Variants in PXDN observed in about 807,000 individuals in gnomAD.
PXDN encodes peroxidasin.
PXDN carries 77 observed loss-of-function variants against 140.3 expected under a neutral mutation model. The observed-to-expected ratio is 0.55, with a 90% CI of 0.46 to 0.66. The LOEUF (loss-of-function observed/expected upper bound fraction) is 0.66. PXDN is among the 30% of genes least tolerant of loss of function. The pLI is 0.00. For synonymous variants in PXDN, 911 were observed against 857.4 expected, an observed-to-expected ratio of 1.06 and a Z score of -1.09; for missense variants, 1,838 against 2,039.5, an observed-to-expected ratio of 0.90 and a Z score of 1.90.
chr2:1,663,540 AATT>A, intron 12 of PXDN, 62 bp downstream of exon 12: 1 of 1,579,654 alleles, frequency 6.3e-7, no homozygotes, highest in Non-Finnish European at 8.6e-7. Flanking sequence ...TCAGCTGCGG[AATT>A]CTGTGTTTCC....
intron 3 of PXDN, among the ~76,000 whole-genome samples, chr2:1,690,648 CA>C (rs35970382): frequency 0.08 from 5,529 of 68,690 alleles, 119 homozygotes; most frequent in East Asian, 0.28. Flanking sequence ...TTCAAAATAC[CA>C]AAAAAAAAAA....
rs745727040 is a variant in PXDN at position 1,677,028 on chromosome 2, G to A, written c.747C>T (p.Thr249=). ...TCACATCTGCGTCCTGGGGCTCGGAGGTGATCCGGGGCCTTTCTGTGCCCA... is the reference window on the plus strand; with the variant it reads ...TCACATCTGCGTCCTGGGGCTCGGAAGTGATCCGGGGCCTTTCTGTGCCCA... ...EELNCERPRI[T]SEPQDADVTS... The change falls in exon 8 of 23, where the codon ACC becomes ACT. Residue 249 remains threonine (T), a synonymous_variant. Transcript: ENST00000252804. 5 of 1,605,932 alleles carry A rather than the reference G, an allele frequency of 3.1e-6. 1 individual carries two copies. Among genetic ancestry groups the A allele is most frequent in the South Asian group, 2.2e-5 (2 of 89,828 alleles).
intron 1 of PXDN, among the ~76,000 whole-genome samples, chr2:1,717,306 G>A (rs527854504): frequency 3.9e-5 from 6 of 152,154 alleles, no homozygotes; most frequent in Non-Finnish European, 7.4e-5. Context: ...CAGAGATTCC[G>A]CTGCTGTCTG....
chr2:1,741,915 G>A (rs976910454), intron 1 of PXDN, among the ~76,000 whole-genome samples: 1 of 152,036 alleles, frequency 6.6e-6, no homozygotes, highest in African/African-American at 2.4e-5. Context: ...ACCAGACCAT[G>A]CCCCCAGAGA....
At chr2:1,664,772 C>T in intron 11 of PXDN, 186 bp downstream of exon 11, 1 of 574,978 alleles carries the variant, frequency 1.7e-6, no homozygotes. Flanking sequence ...GACGGCCATG[C>T]ATGGACAGGA....
chr2:1,685,114 A>G lies in PXDN; in HGVS notation c.417-963T>C, dbSNP rs1684018688. ...ATCACCGTCACCACCAGGGCACCAG[A>G]GTGCGGCTGCCAGGGCCCGCCCCGT... is the stretch of plus-strand genomic sequence containing the variant. On this transcript the variant is annotated intron_variant, in intron 4 of 22. Transcript: ENST00000252804. This position sits in a 1 kb window ranked among gnomAD's most constrained non-coding sequence, Gnocchi z 5.1. Among the ~76,000 whole-genome samples the G allele has an allele frequency of 6.6e-6, 1 of 152,322 alleles. No individual in the cohort carries two copies. Among genetic ancestry groups the G allele is most frequent in the South Asian group, 2.1e-4 (1 of 4,826 alleles).
intron 21 of PXDN, chr2:1,635,842 G>C (rs1334744174): frequency 2.7e-6 from 1 of 376,040 alleles, no homozygotes; most frequent in Non-Finnish European, 5.1e-6. Context: ...CCACCAGAAC[G>C]AACGATGATC....
In PXDN at chr2:1,643,473, G is replaced by C. The variant is rs371819783; in HGVS notation, c.3847C>G (p.Arg1283Gly). The C allele has an allele frequency of 4.0e-5, 65 of 1,613,800 alleles. No homozygotes were observed. Among genetic ancestry groups the C allele is most frequent in the Non-Finnish European group, 5.3e-5 (63 of 1,179,910 alleles). ...ACCCTGAACACGTCGCTCTGCACCC[G>C]GGTGATGTTGTCCGCGTTGTCGCAT... ...ILCDNADNIT[R>G]VQSDVFRVAE... is the part of the protein sequence containing the mutation. The change falls in exon 19 of 23, where the codon CGG becomes GGG. Residue 1283 changes from arginine (R) to glycine (G), a missense_variant. Physicochemically the swap from Arg to Gly is moderately radical, Grantham distance 125. Transcript: ENST00000252804.
intron 4 of PXDN, among the ~76,000 whole-genome samples, chr2:1,686,542 C>A (rs1390892399): frequency 1.3e-5 from 2 of 152,134 alleles, no homozygotes; most frequent in African/African-American, 2.4e-5. Context: ...ATTTGCTCGC[C>A]CCCACTGAGT....
chr2:1,728,196 C>T (rs1685234290), intron 1 of PXDN, among the ~76,000 whole-genome samples: 1 of 152,210 alleles, frequency 6.6e-6, no homozygotes, highest in African/African-American at 2.4e-5. Context: ...CCTCAGCCTC[C>T]CAAAGTGCTG....
intron 11 of PXDN, chr2:1,664,064 C>T: frequency 2.9e-6 from 1 of 340,842 alleles, no homozygotes; most frequent in Non-Finnish European, 5.4e-6. Context: ...GGATGGCCAG[C>T]TGGGAGAACC....
At chr2:1,744,112 C>T in intron 1 of PXDN, 144 bp downstream of exon 1, 1 of 906,486 alleles carries the variant, frequency 1.1e-6, no homozygotes, top group Non-Finnish European at 1.5e-6. Flanking sequence ...TCGGAGGTTC[C>T]CTTCTGCGTC....
intron 1 of PXDN, among the ~76,000 whole-genome samples, chr2:1,726,699 C>T (rs868374686): frequency 6.6e-6 from 1 of 152,150 alleles, no homozygotes; most frequent in Middle Eastern, 3.4e-3. Flanking sequence ...AGATGCTAAC[C>T]CCTTATCAGA....
chr2:1,682,119 G>A (rs1179689737), intron 6 of PXDN, among the ~76,000 whole-genome samples: 1 of 152,166 alleles, frequency 6.6e-6, no homozygotes, highest in African/African-American at 2.4e-5. Flanking sequence ...AAACAGGAGA[G>A]GGGGACCTTG....
intron 1 of PXDN, among the ~76,000 whole-genome samples, chr2:1,713,243 A>G (rs1205150276): frequency 6.6e-6 from 1 of 152,108 alleles, no homozygotes; most frequent in Non-Finnish European, 1.5e-5. Flanking sequence ...TTGCAGAGCG[A>G]GATCTAAAGC....
intron 1 of PXDN, among the ~76,000 whole-genome samples, chr2:1,719,226 G>A (rs1167932445): frequency 6.6e-6 from 1 of 152,140 alleles, no homozygotes; most frequent in Admixed American, 6.5e-5. Flanking sequence ...GCCAGGGGAG[G>A]CAGCCACCCA....
chr2:1,663,857 C>G, intron 11 of PXDN, 94 bp from the exon 12 acceptor site: 1 of 1,509,246 alleles, frequency 6.6e-7, no homozygotes, highest in Non-Finnish European at 8.9e-7. Flanking sequence ...CTTGTCTCCA[C>G]CTGGGTCGGG....
At chr2:1,688,332 G>A (rs1209896180) in intron 3 of PXDN, among the ~76,000 whole-genome samples, 1 of 152,178 alleles carries the variant, frequency 6.6e-6, no homozygotes, top group Non-Finnish European at 1.5e-5. Flanking sequence ...GCTGGAACAC[G>A]CCCACACTCG....
chr2:1,661,968 T>G, intron 13 of PXDN, 104 bp downstream of exon 13: 1 of 988,600 alleles, frequency 1.0e-6, no homozygotes, highest in South Asian at 1.5e-5. Flanking sequence ...GGCTGGGGCG[T>G]GGGCACTGGT....
Sources: allele counts gnomAD v4.1 joint callset (sites outside exome capture counted in the v4.1 genomes callset), GRCh38; gene constraint gnomAD v4.1.1; non-coding constraint Gnocchi (gnomAD v3.1); transcripts MANE v1.5; gene names NCBI Gene and HGNC (gene_info 2026-07-23, HGNC 2026-07-21).